The following NLRP5 variants were observed in gnomAD, a reference collection of about 807,000 sequenced individuals.
NLRP5 encodes the protein NLR family pyrin domain containing 5, also known as NACHT, LRR and PYD domains-containing protein 5.
NLRP5 carries 93 observed loss-of-function variants against 113.1 expected under a neutral mutation model. That is an observed-to-expected ratio of 0.82 (90% CI 0.70 to 0.98). The LOEUF is 0.98. Ranked by LOEUF, NLRP5 falls within the 50% of genes least tolerant of loss-of-function variation. The probability of loss-of-function intolerance (pLI) is 0.00; values close to 1 mark genes in which losing one functional copy is unlikely to be tolerated. For missense variants in NLRP5, 1,808 were observed against 1,514.3 expected, an observed-to-expected ratio of 1.19 and a Z score of -3.22; for synonymous variants, 751 against 600.7, an observed-to-expected ratio of 1.25 and a Z score of -3.66.
chr19:56,059,132 G>A (rs1317781580), intron 14 of NLRP5, among the ~76,000 whole-genome samples: 1 of 152,198 alleles, frequency 6.6e-6, no homozygotes, highest in Non-Finnish European at 1.5e-5. Flanking sequence ...TTGTGGTGAT[G>A]CTTGCACAGC....
intron 11 of NLRP5, among the ~76,000 whole-genome samples, chr19:56,048,023 T>G (rs1255368340): frequency 2.0e-5 from 3 of 152,378 alleles, no homozygotes; most frequent in Admixed American, 2.0e-4. Context: ...TTGTTTCATC[T>G]GATCTAAGAA....
chr19:56,033,728 T>G lies in NLRP5; in HGVS notation c.2615+19T>G. 2 of 1,572,422 alleles carry G rather than the reference T, an allele frequency of 1.3e-6. No individual in the cohort carries two copies. The highest frequency in any genetic ancestry group is 1.2e-5 in the South Asian group (1 of 85,688). On this transcript the variant is annotated intron_variant, in intron 9 of 14. Coordinates refer to ENST00000390649, the MANE Select transcript of NLRP5 (RefSeq NM_153447.4). ...CTTTGAGGTACGTCTCTGGTAGAGC[T>G]TTTGCCTTGTTTTTCTTCGTTTTTA... is the stretch of plus-strand genomic sequence containing the variant.
At chr19:55,991,294 G>A in the NLRP5 span, among the ~76,000 whole-genome samples, 1 of 152,140 alleles carries the variant, frequency 6.6e-6, no homozygotes, top group South Asian at 2.1e-4. Context: ...ACCTTCTATC[G>A]TAGATGTTAA....
chr19:56,004,736 A>C (rs1399495360), intron 2 of NLRP5, among the ~76,000 whole-genome samples: 3 of 151,994 alleles, frequency 2.0e-5, no homozygotes, highest in Non-Finnish European at 4.4e-5. Flanking sequence ...TTTTATCTAG[A>C]GAATCTCTCC....
At chr19:55,997,660 C>T (rs1981368371), upstream of NLRP5, among the ~76,000 whole-genome samples, 1 of 151,684 alleles carries the variant, frequency 6.6e-6, no homozygotes, top group Non-Finnish European at 1.5e-5. Flanking sequence ...GGTAAAACCC[C>T]ATCTCTACCA....
intron 1 of NLRP5, among the ~76,000 whole-genome samples, chr19:56,003,379 C>G (rs553025151): frequency 6.6e-6 from 1 of 152,292 alleles, no homozygotes; most frequent in South Asian, 2.1e-4. Flanking sequence ...GTCTTGAACT[C>G]CTGACCTCAA....
At chr19:55,994,642 TGCCTTG>T in the NLRP5 span, among the ~76,000 whole-genome samples, 1 of 152,222 alleles carries the variant, frequency 6.6e-6, no homozygotes, top group Non-Finnish European at 1.5e-5. Flanking sequence ...ATGATCCACC[TGCCTTG>T]GCCTCCCAAA....
intron 7 of NLRP5, among the ~76,000 whole-genome samples, 197 bp downstream of exon 7, chr19:56,028,706 A>G (rs1264919843): frequency 6.6e-6 from 1 of 152,152 alleles, no homozygotes; most frequent in Non-Finnish European, 1.5e-5. Context: ...GGTCTTTCAC[A>G]ATACAGGGCC....
At chr19:56,010,741 T>TAAAAAAAAAAAAAAAAAAAAAAA (rs1568484396) in intron 3 of NLRP5, among the ~76,000 whole-genome samples, 1 of 5,622 alleles carries the variant, frequency 1.8e-4, no homozygotes, top group African/African-American at 5.0e-4. Flanking sequence ...TAACTCTGTC[T>TAAAAAAAAAAAAAAAAAAAAAAA]CAAAAAAAAA....
Position 56,028,540 on chromosome 19 carries a change from C to T in NLRP5, c.2276+31C>T, listed in dbSNP as rs762991818. 1.4e-5 allele frequency: 22 copies of T among 1,588,086 alleles called. No individual in the cohort carries two copies. The East Asian group carries it at 2.2e-4, about 16-fold the overall frequency. Reference sequence around the variant, plus strand: ...TACCCCAGGCAGTTTTATCCTATGCCGTGTGCTGAGCTCTGTGTCTCTACT... The same window carrying T: ...TACCCCAGGCAGTTTTATCCTATGCTGTGTGCTGAGCTCTGTGTCTCTACT... On this transcript the variant is annotated intron_variant, in intron 7 of 14. Coordinates refer to ENST00000390649, the MANE Select transcript of NLRP5 (RefSeq NM_153447.4).
At chr19:56,025,790 T>C (rs997597269) in intron 6 of NLRP5, among the ~76,000 whole-genome samples, 1 of 152,070 alleles carries the variant, frequency 6.6e-6, no homozygotes, top group Non-Finnish European at 1.5e-5. Context: ...ACACCTGTCC[T>C]ACAGGTGTAG....
At chr19:55,997,313 C>A (rs2123254907), upstream of NLRP5, among the ~76,000 whole-genome samples, 1 of 152,224 alleles carries the variant, frequency 6.6e-6, no homozygotes, top group African/African-American at 2.4e-5. Context: ...CCCACTTCAT[C>A]ATGGGGAATG....
chr19:56,010,031 C>T (rs549631928), intron 3 of NLRP5, among the ~76,000 whole-genome samples: 11 of 152,084 alleles, frequency 7.2e-5, no homozygotes, highest in African/African-American at 2.2e-4. Context: ...TGGCTTAGAG[C>T]GTAAAATAAA....
At chr19:56,037,940 A>G in intron 9 of NLRP5, 85 bp from the exon 10 acceptor site, 1 of 1,411,764 alleles carries the variant, frequency 7.1e-7, no homozygotes, top group Non-Finnish European at 9.8e-7. Context: ...GAAAACGGCC[A>G]GCGCTGCTGG....
rs563887061 is a variant in NLRP5, at chr19:56,038,455, C to T, written c.2786+260C>T. Reference sequence around the variant, plus strand: ...AGGTGGAAATTGCATAATGACCTTCCCTCCTGATAAAGCTCTCCTGGGCGT... The same window carrying T: ...AGGTGGAAATTGCATAATGACCTTCTCTCCTGATAAAGCTCTCCTGGGCGT... On this transcript the variant is annotated intron_variant, in intron 10 of 14. Transcript: ENST00000390649. 5.3e-5 allele frequency among the ~76,000 whole-genome samples: 8 copies of T among 152,242 alleles called. No homozygotes were observed. In the South Asian group the frequency reaches 1.7e-3, roughly 32 times the overall value.
At chr19:56,034,279 G>A (rs991570334) in intron 9 of NLRP5, among the ~76,000 whole-genome samples, 3 of 152,148 alleles carry the variant, frequency 2.0e-5, no homozygotes, top group African/African-American at 7.2e-5. Flanking sequence ...CCAGCTACTC[G>A]GGAGGCTGAG....
chr19:56,016,124 T>A (rs1456421550), intron 4 of NLRP5, among the ~76,000 whole-genome samples: 2 of 152,214 alleles, frequency 1.3e-5, no homozygotes, highest in Non-Finnish European at 2.9e-5. Flanking sequence ...TCACCTCAAA[T>A]ATTCTTTGTG....
In NLRP5 at chr19:56,027,052, C is replaced by T. The variant is rs769599447; in HGVS notation, c.819C>T (p.Asp273=). 5 of 1,554,166 alleles carry T rather than the reference C, an allele frequency of 3.2e-6. No individual in the cohort carries two copies. The South Asian group carries it at 4.8e-5, about 15-fold the overall frequency. ...CGTTGGCTGGTGCTTTTGATTCAGACCGGTGGGGCTTCCGGCCTCGCACGG... is the reference window on the plus strand; with the variant it reads ...CGTTGGCTGGTGCTTTTGATTCAGATCGGTGGGGCTTCCGGCCTCGCACGG... The change falls in exon 7 of 15, where the codon GAC becomes GAT. Residue 273 remains aspartate, a synonymous_variant. Coordinates refer to ENST00000390649, the MANE Select transcript of NLRP5 (RefSeq NM_153447.4).
At chr19:55,993,282 A>G in the NLRP5 span, among the ~76,000 whole-genome samples, 1 of 150,970 alleles carries the variant, frequency 6.6e-6, no homozygotes, top group African/African-American at 2.4e-5. Flanking sequence ...ACAATAAGTT[A>G]TAGTTCACCA....
Sources: gnomAD v4.1 joint callset for allele counts (sites outside exome capture counted in the v4.1 genomes callset) on GRCh38, gnomAD v4.1.1 for gene constraint, MANE v1.5 for transcripts, NCBI Gene and HGNC (gene_info 2026-07-23, HGNC 2026-07-21) for gene names.